Variants in DIP2C observed in about 807,000 individuals in gnomAD.
DIP2C encodes disco-interacting protein 2 homolog C.
DIP2C carries 33 observed loss-of-function variants against 192.4 expected under a neutral mutation model. The ratio of observed to expected loss-of-function variants is 0.17; its 90% CI spans 0.13 to 0.23. The LOEUF (loss-of-function observed/expected upper bound fraction) is 0.23, where lower values mean the gene tolerates loss of function less well. DIP2C is among the 10% of genes least tolerant of loss of function. DIP2C has a pLI of 1.00. For missense variants in DIP2C, 1,537 were observed against 2,110.1 expected (o/e 0.73, Z 5.32); for synonymous variants, 979 against 864.1 (o/e 1.13, Z -2.33).
intron 1 of DIP2C, among the ~76,000 whole-genome samples, chr10:643,330 G>A (rs766961248): frequency 6.6e-6 from 1 of 151,948 alleles, no homozygotes; most frequent in African/African-American, 2.4e-5. Flanking sequence ...TGGCTAACAC[G>A]GTAAAACCCC....
chr10:620,344 G>A (rs1853776094), intron 1 of DIP2C, among the ~76,000 whole-genome samples: 1 of 152,128 alleles, frequency 6.6e-6, no homozygotes, highest in South Asian at 2.1e-4. Flanking sequence ...CAAGCAAGCA[G>A]TCAGAGGCAC....
chr10:580,131 CAT>C (rs764523465), intron 1 of DIP2C, among the ~76,000 whole-genome samples: 5 of 152,118 alleles, frequency 3.3e-5, no homozygotes, highest in Admixed American at 6.5e-5. Flanking sequence ...TATATACATG[CAT>C]ATAGTGTACA....
intron 4 of DIP2C, among the ~76,000 whole-genome samples, chr10:426,064 A>G (rs1331491843): frequency 4.6e-5 from 7 of 152,238 alleles, no homozygotes; most frequent in Non-Finnish European, 1.5e-5. Flanking sequence ...TTAGAAAAGA[A>G]GGAATAAAAG....
At chr10:668,020 TACAG>T (rs1313473989) in intron 1 of DIP2C, 2 of 143,374 alleles carry the variant, frequency 1.4e-5, no homozygotes, top group South Asian at 2.3e-4. Flanking sequence ...TCATACAACA[TACAG>T]ACAACACATG....
At chr10:530,857 A>C (rs1440375755) in intron 1 of DIP2C, among the ~76,000 whole-genome samples, 1 of 152,118 alleles carries the variant, frequency 6.6e-6, no homozygotes, top group Non-Finnish European at 1.5e-5. Context: ...ACTCCTGTAC[A>C]GTTTGTTAAC....
intron 17 of DIP2C, among the ~76,000 whole-genome samples, chr10:378,275 A>G (rs1396651571): frequency 6.6e-6 from 1 of 152,268 alleles, no homozygotes; most frequent in Non-Finnish European, 1.5e-5. Context: ...AAGACTGAGC[A>G]GACTTCACTA....
rs560820985 is a variant in DIP2C at position 450,301 on chromosome 10, C to T, written c.269-9305G>A. ...GACTTTTCTTCTTGTGATGTGGACC[C>T]GACACAAGAGAGGTCCCACGTAGAC... On this transcript the variant is annotated intron_variant, in intron 3 of 36. Coordinates refer to ENST00000280886, the MANE Select transcript of DIP2C (RefSeq NM_014974.3). Among the ~76,000 whole-genome samples, 7 of 152,228 alleles carry T rather than the reference C, an allele frequency of 4.6e-5. No homozygotes were observed. The South Asian group carries it at 8.3e-4, about 18-fold the overall frequency.
chr10:316,180 G>C (rs1269128521), intron 31 of DIP2C, among the ~76,000 whole-genome samples: 2 of 152,124 alleles, frequency 1.3e-5, no homozygotes, highest in African/African-American at 4.8e-5. Context: ...ATGAACATGA[G>C]TCCATTTCTC....
At chr10:503,399 A>T (rs1325716148) in intron 1 of DIP2C, among the ~76,000 whole-genome samples, 1 of 152,268 alleles carries the variant, frequency 6.6e-6, no homozygotes, top group Non-Finnish European at 1.5e-5. Context: ...AAGCACTCGG[A>T]AACTAAAAGA....
intron 17 of DIP2C, among the ~76,000 whole-genome samples, chr10:379,013 A>G (rs1962032244): frequency 6.6e-6 from 1 of 152,216 alleles, no homozygotes; most frequent in African/African-American, 2.4e-5. Flanking sequence ...AGTGCTGGTC[A>G]TTCTTTTTTG....
chr10:397,513 C>G (rs1364871601), intron 10 of DIP2C, among the ~76,000 whole-genome samples: 1 of 138,790 alleles, frequency 7.2e-6, no homozygotes, highest in Admixed American at 7.4e-5. Context: ...CTGGGAGACA[C>G]AGCGACTCCA....
intron 33 of DIP2C, among the ~76,000 whole-genome samples, chr10:287,938 A>C (rs1955237852): frequency 6.6e-6 from 1 of 152,168 alleles, no homozygotes. Context: ...CATTCTGATC[A>C]ATGGAATTTC....
At chr10:554,755 T>C (rs1848754669) in intron 1 of DIP2C, among the ~76,000 whole-genome samples, 1 of 152,132 alleles carries the variant, frequency 6.6e-6, no homozygotes, top group South Asian at 2.1e-4. Flanking sequence ...AATCACCGAG[T>C]TGCCTGGCAG....
intron 1 of DIP2C, among the ~76,000 whole-genome samples, chr10:541,702 AC>A (rs1847999436): frequency 1.4e-5 from 1 of 72,338 alleles, no homozygotes; most frequent in African/African-American, 5.5e-5. Context: ...CCACCTGACC[AC>A]CCCCATCTCT....
intron 5 of DIP2C, among the ~76,000 whole-genome samples, chr10:419,707 C>G (rs1245972684): frequency 2.6e-5 from 4 of 152,132 alleles, no homozygotes; most frequent in African/African-American, 9.7e-5. Flanking sequence ...TGTGAGTTAA[C>G]ACGTATACAG....
In DIP2C at chr10:336,413, G is replaced by A. The variant is rs534394170; in HGVS notation, c.3584+4786C>T. ...GTGCTGCCAGTCATATAAAAGCACA[G>A]CACATACAATCATGTCTTCAGTTCT... On this transcript the variant is annotated intron_variant, in intron 29 of 36. Coordinates refer to ENST00000280886, the MANE Select transcript of DIP2C (RefSeq NM_014974.3). 2.0e-5 allele frequency among the ~76,000 whole-genome samples: 3 copies of A among 152,284 alleles called. No homozygotes were observed. The South Asian group carries it at 6.2e-4, about 32-fold the overall frequency.
chr10:411,914 C>T (rs1156735464), intron 8 of DIP2C, among the ~76,000 whole-genome samples: 2 of 152,204 alleles, frequency 1.3e-5, no homozygotes, highest in East Asian at 1.9e-4. Context: ...TCTTACATTC[C>T]TTTAACAAGT....
intron 1 of DIP2C, among the ~76,000 whole-genome samples, chr10:594,741 C>A (rs566512928): frequency 1.3e-5 from 2 of 152,268 alleles, no homozygotes; most frequent in Non-Finnish European, 1.5e-5. Context: ...GTCAAGAAAA[C>A]CCATGTTCAC....
chr10:467,379 G>T (rs1163316329), intron 3 of DIP2C, among the ~76,000 whole-genome samples: 2 of 144,690 alleles, frequency 1.4e-5, no homozygotes, highest in Admixed American at 6.9e-5. Flanking sequence ...TGGGGACTGT[G>T]GTGGGGTGGG....
Sources: gnomAD v4.1 joint callset for allele counts (sites outside exome capture counted in the v4.1 genomes callset) on GRCh38, gnomAD v4.1.1 for gene constraint, MANE v1.5 for transcripts, NCBI Gene and HGNC (gene_info 2026-07-23, HGNC 2026-07-21) for gene names.